The following ITPRID1 variants were observed in gnomAD, a reference collection of about 807,000 sequenced individuals.
The protein encoded by ITPRID1 is ITPR interacting domain containing 1, also known as protein ITPRID1.
In ITPRID1, 96 loss-of-function variants were observed where a neutral mutation model predicts 95.4. The ratio of observed to expected loss-of-function variants is 1.01; its 90% confidence interval spans 0.85 to 1.19. ITPRID1 has a LOEUF of 1.19. Ranked by LOEUF, ITPRID1 falls within the 50% of genes most tolerant of loss-of-function variation. The pLI is 0.00. For synonymous variants in ITPRID1, 510 were observed against 453.6 expected (o/e 1.12, Z -1.58); for missense variants, 1,339 against 1,252.9 (o/e 1.07, Z -1.04).
At chr7:31,573,507 G>A (rs1307182116) in intron 7 of ITPRID1, among the ~76,000 whole-genome samples, 1 of 152,050 alleles carries the variant, frequency 6.6e-6, no homozygotes, top group Non-Finnish European at 1.5e-5. Context: ...CTAAGTAAAT[G>A]AATTGTAGTT....
At chr7:31,516,243 T>G (rs1562540318) in intron 1 of ITPRID1, among the ~76,000 whole-genome samples, 1 of 152,164 alleles carries the variant, frequency 6.6e-6, no homozygotes, top group Non-Finnish European at 1.5e-5. Flanking sequence ...TATTGCACAT[T>G]TAGGTTTGTT....
intron 10 of ITPRID1, among the ~76,000 whole-genome samples, chr7:31,599,765 G>T (rs1011857864): frequency 6.7e-6 from 1 of 149,640 alleles, no homozygotes; most frequent in Non-Finnish European, 1.5e-5. Flanking sequence ...GCAGTGGCGC[G>T]ATCTCAGCTC....
chr7:31,603,451 G>A (rs771728160), intron 10 of ITPRID1, among the ~76,000 whole-genome samples: 3 of 146,556 alleles, frequency 2.0e-5, no homozygotes, highest in Non-Finnish European at 4.6e-5. Flanking sequence ...TTTTGCAGCC[G>A]GCAATCAGTA....
rs146828879 is a variant in ITPRID1 at position 31,614,354 on chromosome 7, C to T, written c.1229-27822C>T. 4.5e-3 allele frequency among the ~76,000 whole-genome samples: 687 copies of T among 152,126 alleles called. 6 individuals carry two copies. Among genetic ancestry groups the T allele is most frequent in the African/African-American group, 0.016 (661 of 41,512 alleles). On this transcript the variant is annotated intron_variant, in intron 10 of 14. Transcript: ENST00000615280. ...TGGGAGTAAAAGTGAGGGCGAGGCT[C>T]AACTTTAGCTCAATAACTTGTTAAA...
intron 12 of ITPRID1, among the ~76,000 whole-genome samples, chr7:31,646,466 G>A (rs1860539): frequency 0.76 from 114,899 of 151,956 alleles, 43,579 homozygotes; most frequent in East Asian, 0.83. Context: ...GGCCCTGGGG[G>A]AAAAGGCACA....
Position 31,653,068 on chromosome 7 carries a change from T to TC in ITPRID1, c.*239_*240insC. On this transcript the variant is annotated 3_prime_UTR_variant, in exon 15 of 15. Transcript: ENST00000615280. ...AGAGTATGCAACAGTGACTAAATAGTATACGGTCTCTGCCCTGCTAGAACT... is the reference window on the plus strand; with the variant it reads ...AGAGTATGCAACAGTGACTAAATAGTCATACGGTCTCTGCCCTGCTAGAACT... 2.0e-6 allele frequency: 2 copies of TC among 1,014,446 alleles called. No homozygotes were observed. Among genetic ancestry groups the TC allele is most frequent in the Non-Finnish European group, 2.7e-6 (2 of 745,938 alleles). 62.8% of individuals were successfully genotyped at this position (1,014,446 alleles called of 1,614,324 possible). A position where few individuals can be genotyped will look rare whatever the true frequency, so the allele number is the denominator to read the frequency against.
chr7:31,609,533 C>A (rs1227564887), intron 10 of ITPRID1, among the ~76,000 whole-genome samples: 1 of 151,482 alleles, frequency 6.6e-6, no homozygotes, highest in Non-Finnish European at 1.5e-5. Flanking sequence ...AGTTTCAATA[C>A]CTTATACCTT....
At chr7:31,554,602 G>C in intron 4 of ITPRID1, 79 bp downstream of exon 4, 2 of 1,554,246 alleles carry the variant, frequency 1.3e-6, no homozygotes, top group Non-Finnish European at 1.8e-6. Flanking sequence ...ACTCTGCCTG[G>C]GCAAGGTCGG....
rs1790216724 is a variant in ITPRID1, at chr7:31,643,636, C to T, written c.2266C>T (p.Gln756Ter). Residue 756 changes from glutamine (Q) to a stop codon, truncating the protein, a stop_gained, in exon 12 of 15, where the codon CAG (glutamine) becomes TAG (stop). Coordinates refer to ENST00000615280, the MANE Select transcript of ITPRID1 (RefSeq NM_001257967.3). LOFTEE classifies it high-confidence loss of function. ...TETRLGTKAR[Q>*]LNDASIQTSA... ...AACAAGACTGGGGACAAAAGCAAGACAGTTAAATGATGCTTCCATTCAGAC... is the reference window on the plus strand; with the variant it reads ...AACAAGACTGGGGACAAAAGCAAGATAGTTAAATGATGCTTCCATTCAGAC... 2 of 1,614,046 alleles carry T rather than the reference C, an allele frequency of 1.2e-6. No individual in the cohort carries two copies. The highest frequency in any genetic ancestry group is 8.5e-7 in the Non-Finnish European group (1 of 1,179,908).
chr7:31,599,879 T>C (rs1175134413), intron 10 of ITPRID1, among the ~76,000 whole-genome samples: 1 of 151,944 alleles, frequency 6.6e-6, no homozygotes, highest in Non-Finnish European at 1.5e-5. Flanking sequence ...TTTGTATTTT[T>C]AGTGGAGACG....
At chr7:31,621,754 C>A (rs1787922376) in intron 10 of ITPRID1, among the ~76,000 whole-genome samples, 1 of 145,132 alleles carries the variant, frequency 6.9e-6, no homozygotes, top group Admixed American at 6.9e-5. Context: ...TCACACATAA[C>A]AATATTAACT....
chr7:31,650,736 T>G (rs529897835), intron 12 of ITPRID1, among the ~76,000 whole-genome samples: 44 of 152,192 alleles, frequency 2.9e-4, no homozygotes, highest in Non-Finnish European at 5.3e-4. Context: ...TGTTCAATGT[T>G]ATTGATACTC....
At chr7:31,577,441 G>A (rs1013393293) in intron 8 of ITPRID1, among the ~76,000 whole-genome samples, 4 of 152,174 alleles carry the variant, frequency 2.6e-5, no homozygotes, top group Non-Finnish European at 5.9e-5. Flanking sequence ...GGATAGGGAT[G>A]ATGTAAGTGA....
At chr7:31,546,165 G>T (rs1201628611) in intron 1 of ITPRID1, among the ~76,000 whole-genome samples, 1 of 152,000 alleles carries the variant, frequency 6.6e-6, no homozygotes, top group Non-Finnish European at 1.5e-5. Context: ...ACTTGAAACT[G>T]CATGCCCAAT....
chr7:31,585,997 A>G (rs1583534719), intron 10 of ITPRID1, among the ~76,000 whole-genome samples: 1 of 97,318 alleles, frequency 1.0e-5, no homozygotes, highest in Non-Finnish European at 2.1e-5. Context: ...CCCTCCCCCC[A>G]TCCCACAACA....
chr7:31,652,493 C>CT, intron 14 of ITPRID1, 25 bp from the exon 15 acceptor site: 3 of 1,561,136 alleles, frequency 1.9e-6, no homozygotes, highest in African/African-American at 1.4e-5. Flanking sequence ...GCTGTTTACT[C>CT]TTTTTCCTCT....
intron 10 of ITPRID1, among the ~76,000 whole-genome samples, chr7:31,621,060 AAG>A (rs1322099425): frequency 5.9e-5 from 9 of 151,904 alleles, no homozygotes; most frequent in African/African-American, 2.2e-4. Context: ...TTAGAGAAAA[AAG>A]AATAAAAAGA....
chr7:31,628,115 C>T (rs1487023794), intron 10 of ITPRID1, among the ~76,000 whole-genome samples: 1 of 152,172 alleles, frequency 6.6e-6, no homozygotes, highest in Non-Finnish European at 1.5e-5. Context: ...AGAGAGACCT[C>T]TCAAAAAGAG....
At chr7:31,539,064 G>A (rs557397836) in intron 1 of ITPRID1, among the ~76,000 whole-genome samples, 191 of 152,296 alleles carry the variant, frequency 1.3e-3, no homozygotes, top group Non-Finnish European at 2.3e-3. Flanking sequence ...GGATGTACCA[G>A]TTTATGTATC....
Sources: gnomAD v4.1 joint callset for allele counts (sites outside exome capture counted in the v4.1 genomes callset) on GRCh38, gnomAD v4.1.1 for gene constraint, MANE v1.5 for transcripts, NCBI Gene and HGNC (gene_info 2026-07-23, HGNC 2026-07-21) for gene names.